The following PHLDB3 variants were observed in gnomAD, a reference collection of about 807,000 sequenced individuals.
PHLDB3 encodes the protein pleckstrin homology-like domain family B member 3.
PHLDB3 carries 86 observed loss-of-function variants against 85.7 expected under a neutral mutation model. That is an observed-to-expected ratio of 1.00 (90% CI 0.84 to 1.20). PHLDB3 has a LOEUF of 1.20. PHLDB3 is among the 50% of genes most tolerant of loss of function. The pLI, the probability that PHLDB3 is intolerant of heterozygous loss-of-function variation, is 0.00. For synonymous variants in PHLDB3, 376 were observed against 349.8 expected, an observed-to-expected ratio of 1.07 and a Z score of -0.83; for missense variants, 995 against 873.0, an observed-to-expected ratio of 1.14 and a Z score of -1.76.
rs1199302180 is a variant in PHLDB3 at position 43,502,134 on chromosome 19, C to T, written c.363G>A (p.Glu121=). 12 of 1,580,098 alleles carry T rather than the reference C, an allele frequency of 7.6e-6. No individual in the cohort carries two copies. The highest frequency in any genetic ancestry group is 8.6e-6 in the Non-Finnish European group (10 of 1,163,700). Reference sequence around the variant, plus strand: ...TCAGCTCCTTCCTCTGGCGCTGTAGCTCCTTCACTCGCTGCTCCATCAGGG... The same window carrying T: ...TCAGCTCCTTCCTCTGGCGCTGTAGTTCCTTCACTCGCTGCTCCATCAGGG... ...RVALMEQRVK[E]LQRQRKELRI... Residue 121 remains glutamate, a synonymous_variant, in exon 3 of 16, where the codon GAG becomes GAA. Coordinates refer to ENST00000292140, the MANE Select transcript of PHLDB3 (RefSeq NM_198850.4).
rs1971498773 is a variant in PHLDB3 at position 43,497,809 on chromosome 19, T to TG, written c.601dup (p.Gln201ProfsTer34). The TG allele has an allele frequency of 1.3e-6, 2 of 1,562,042 alleles. No individual in the cohort carries two copies. Among genetic ancestry groups the TG allele is most frequent in the Non-Finnish European group, 1.7e-6 (2 of 1,153,158 alleles). On this transcript the variant is annotated frameshift_variant, in exon 5 of 16. Coordinates refer to ENST00000292140, the MANE Select transcript of PHLDB3 (RefSeq NM_198850.4). LOFTEE classifies it high-confidence loss of function. ...CTCTGGCTGTGAGTCGAGCTGTCCC[T>TG]GGGCCTTGCGGAGTCTCTGGCGAAG...
intron 15 of PHLDB3, among the ~76,000 whole-genome samples, chr19:43,476,255 C>A (rs1026280346): frequency 3.3e-5 from 5 of 152,314 alleles, no homozygotes; most frequent in African/African-American, 9.6e-5. Context: ...ACTTGCCAAT[C>A]CCAAATTGAG....
At chr19:43,491,315 G>A (rs577561859) in intron 9 of PHLDB3, among the ~76,000 whole-genome samples, 1 of 152,122 alleles carries the variant, frequency 6.6e-6, no homozygotes, top group East Asian at 1.9e-4. Flanking sequence ...GCTTGTGAGG[G>A]TTCTTCCCAA....
rs764381829 is a variant in PHLDB3 at position 43,497,761 on chromosome 19, T to G, written c.650A>C (p.Gln217Pro). The change falls in exon 5 of 16, where the codon CAG becomes CCG. Residue 217 changes from glutamine (Q) to proline (P), a missense_variant. Coordinates refer to ENST00000292140, the MANE Select transcript of PHLDB3 (RefSeq NM_198850.4). ...AGATGCCATTACCTCCTGCACACCC[T>G]GCAGAAGCCGCTCGCGTTGGTCCTC... Reference protein sequence around the residue: ...QPEDQRERLLQGVQEMREQLD... With the variant: ...QPEDQRERLLPGVQEMREQLD... The G allele has an allele frequency of 6.4e-7, 1 of 1,552,130 alleles. No homozygotes were observed. The highest frequency in any genetic ancestry group is 1.2e-5 in the South Asian group (1 of 84,090).
At position 43,475,534 on chromosome 19, in the gene PHLDB3, G is replaced by A. The variant is rs966030109; in HGVS notation, c.1799C>T (p.Pro600Leu). 1 of 1,613,836 alleles carries A rather than the reference G, an allele frequency of 6.2e-7. No individual in the cohort carries two copies. Among genetic ancestry groups the A allele is most frequent in the Non-Finnish European group, 8.5e-7 (1 of 1,179,880 alleles). ...GGTTTTGACGCAGAAGGTCAGGCGG[G>A]GGTTGGGGCTCTGGAATAAGCAGAA... is the stretch of plus-strand genomic sequence containing the variant. ...HLRCAFKSPN[P>L]RLTFCVKTYE... is the part of the protein sequence containing the mutation. Residue 600 changes from proline (P) to leucine (L), a missense_variant, in exon 16 of 16, where the codon CCC becomes CTC. By Grantham distance (98) the Pro-to-Leu change is moderately conservative. Coordinates refer to ENST00000292140, the MANE Select transcript of PHLDB3 (RefSeq NM_198850.4).
intron 4 of PHLDB3, among the ~76,000 whole-genome samples, chr19:43,500,922 C>T (rs1156482206): frequency 8.4e-6 from 1 of 118,646 alleles, no homozygotes; most frequent in African/African-American, 3.1e-5. Flanking sequence ...CCCCCCCCAC[C>T]CCGCAAGTAC....
Position 43,500,919 on chromosome 19 carries a change from C to G in PHLDB3, c.534+815G>C, listed in dbSNP as rs865985852. Among the ~76,000 whole-genome samples, 8 of 115,504 alleles carry G rather than the reference C, an allele frequency of 6.9e-5. 2 individuals are homozygous for G. Among genetic ancestry groups the G allele is most frequent in the Middle Eastern group, 3.6e-3 (1 of 278 alleles). The allele number at this position is 115,504 out of a possible 152,430, so 75.8% of individuals were successfully genotyped here. A position where few individuals can be genotyped will look rare whatever the true frequency, so the allele number is the denominator to read the frequency against. ...TGCCCCGCCCCCCGTACCCCCCCCC[C>G]ACCCCGCAAGTACTGGGATTACAGG... is the stretch of plus-strand genomic sequence containing the variant. On this transcript the variant is annotated intron_variant, in intron 4 of 15. Transcript: ENST00000292140.
At chr19:43,504,450 A>C in intron 1 of PHLDB3, 139 bp downstream of exon 1, 1 of 411,072 alleles carries the variant, frequency 2.4e-6, no homozygotes. Context: ...AGCCCCCTAC[A>C]ATCTCTTGGA....
chr19:43,495,560 G>C lies in PHLDB3; in HGVS notation c.886C>G (p.Gln296Glu). Residue 296 changes from glutamine (Q) to glutamate (E), a missense_variant, in exon 7 of 16, where the codon CAG (glutamine) becomes GAG (glutamate). Coordinates refer to ENST00000292140, the MANE Select transcript of PHLDB3 (RefSeq NM_198850.4). ...LEEQLKSLGE[Q>E]MAAESRGLSR... is the part of the protein sequence containing the mutation. ...AACCCCCGGCTCTCGGCTGCCATCTGCTCCCCCAGTGACTTGAGCTGCTCT... is the reference window on the plus strand; with the variant it reads ...AACCCCCGGCTCTCGGCTGCCATCTCCTCCCCCAGTGACTTGAGCTGCTCT... 1.2e-6 allele frequency: 2 copies of C among 1,610,190 alleles called. No individual in the cohort carries two copies. The highest frequency in any genetic ancestry group is 1.7e-6 in the Non-Finnish European group (2 of 1,178,334).
intron 9 of PHLDB3, among the ~76,000 whole-genome samples, chr19:43,487,807 A>G (rs1319676759): frequency 6.6e-6 from 1 of 152,054 alleles, no homozygotes; most frequent in Non-Finnish European, 1.5e-5. Flanking sequence ...TACATTTTAA[A>G]TGAATGAATT....
rs1192190954 is a variant in PHLDB3, at chr19:43,497,740, G to A, written c.663+8C>T. The A allele has an allele frequency of 5.8e-6, 9 of 1,550,584 alleles. No individual in the cohort carries two copies. The highest frequency in any genetic ancestry group is 1.7e-4 in the Middle Eastern group (1 of 5,998). On this transcript the variant is annotated splice_region_variant and intron_variant, in intron 5 of 15. Transcript: ENST00000292140. ...AAAAACAAAAAAGAAAGAACCAGAT[G>A]CCATTACCTCCTGCACACCCTGCAG...
chr19:43,498,035 A>C (rs1235834790), intron 4 of PHLDB3, among the ~76,000 whole-genome samples, 159 bp from the exon 5 acceptor site: 1 of 152,142 alleles, frequency 6.6e-6, no homozygotes, highest in East Asian at 1.9e-4. Context: ...GTCAGCACCA[A>C]GATTTTAAAG....
Position 43,503,895 on chromosome 19 carries a change from G to T in PHLDB3, c.213+11C>A. On this transcript the variant is annotated intron_variant, in intron 2 of 15. Transcript: ENST00000292140. ...CCAAGCCCCCCGCGCTGTCGCCCTC[G>T]GGCCCCTCACCGCGTCGCGGCTGCT... 1 of 1,613,548 alleles carries T rather than the reference G, an allele frequency of 6.2e-7. No individual in the cohort carries two copies. The highest frequency in any genetic ancestry group is 8.5e-7 in the Non-Finnish European group (1 of 1,179,724).
In PHLDB3 at chr19:43,497,851, C is replaced by G; in HGVS notation, c.560G>C (p.Arg187Pro). 1 of 1,583,466 alleles carries G rather than the reference C, an allele frequency of 6.3e-7. No individual in the cohort carries two copies. Among genetic ancestry groups the G allele is most frequent in the Non-Finnish European group, 8.6e-7 (1 of 1,165,376 alleles). Residue 187 changes from arginine (R) to proline (P), a missense_variant, in exon 5 of 16, where the codon CGG becomes CCG. Coordinates refer to ENST00000292140, the MANE Select transcript of PHLDB3 (RefSeq NM_198850.4). The stretch of plus-strand genomic sequence containing the variant: ...CTGGCGAAGACCCTCTAGGCGATCC[C>G]GTTCCTGGCTCAGCCGCCTCTGTTC... The part of the protein sequence containing the change: ...EQEQRRLSQE[R>P]DRLEGLRQRL...
intron 13 of PHLDB3, among the ~76,000 whole-genome samples, chr19:43,484,335 T>C (rs1404302683): frequency 1.3e-5 from 2 of 149,740 alleles, no homozygotes; most frequent in African/African-American, 4.9e-5. Flanking sequence ...AATGTGAATA[T>C]GGACTATATA....
Position 43,503,952 on chromosome 19 carries a change from T to C in PHLDB3, c.167A>G (p.Glu56Gly). 1 of 1,613,902 alleles carries C rather than the reference T, an allele frequency of 6.2e-7. No individual in the cohort carries two copies. Among genetic ancestry groups the C allele is most frequent in the East Asian group, 2.2e-5 (1 of 44,880 alleles). ...SRGGAEQQAE[E>G]EEVGEGSSTE... ...GCTGCTGCCTTCTCCCACTTCTTCT[T>C]CCTCTGCCTGCTGCTCAGCTCCCCC... The change falls in exon 2 of 16, where the codon GAA becomes GGA. Residue 56 changes from glutamate (E) to glycine (G), a missense_variant. Coordinates refer to ENST00000292140, the MANE Select transcript of PHLDB3 (RefSeq NM_198850.4).
intron 13 of PHLDB3, among the ~76,000 whole-genome samples, chr19:43,485,676 T>C (rs891801112): frequency 2.7e-5 from 4 of 147,052 alleles, no homozygotes; most frequent in South Asian, 2.2e-4. Context: ...CATGCCTCAG[T>C]CTCCCGAGTA....
At chr19:43,478,884 C>T (rs749279185) in intron 14 of PHLDB3, among the ~76,000 whole-genome samples, 2 of 152,010 alleles carry the variant, frequency 1.3e-5, no homozygotes, top group Non-Finnish European at 1.5e-5. Context: ...CACTGCACTC[C>T]AGCCTGGGCG....
At chr19:43,484,147 A>G (rs2145903592) in intron 13 of PHLDB3, among the ~76,000 whole-genome samples, 1 of 151,384 alleles carries the variant, frequency 6.6e-6, no homozygotes, top group East Asian at 2.0e-4. Context: ...GCTACTCCAG[A>G]GGCTGAGGCG....
Sources: gnomAD v4.1 joint callset for allele counts (sites outside exome capture counted in the v4.1 genomes callset) on GRCh38, gnomAD v4.1.1 for gene constraint, MANE v1.5 for transcripts, NCBI Gene and HGNC (gene_info 2026-07-23, HGNC 2026-07-21) for gene names.